CACNG4: variants seen among roughly 807,000 people sequenced by gnomAD.
CACNG4 encodes the protein voltage-dependent calcium channel gamma-4 subunit.
In CACNG4, 8 loss-of-function variants were observed where a neutral mutation model predicts 22.9. The observed-to-expected ratio is 0.35, with a 90% CI of 0.21 to 0.63. The LOEUF (loss-of-function observed/expected upper bound fraction) is 0.63. Ranked by LOEUF, CACNG4 falls within the 30% of genes least tolerant of loss-of-function variation. The probability of loss-of-function intolerance (pLI) is 0.72; values close to 1 mark genes in which losing one functional copy is unlikely to be tolerated. For missense variants in CACNG4, 357 were observed against 455.4 expected (o/e 0.78, Z 1.97); for synonymous variants, 188 against 191.9 (o/e 0.98, Z 0.17).
At chr17:66,966,849 T>C (rs377202201) in intron 1 of CACNG4, among the ~76,000 whole-genome samples, 7 of 152,212 alleles carry the variant, frequency 4.6e-5, no homozygotes, top group African/African-American at 1.4e-4. Flanking sequence ...TCATTTTTAG[T>C]GTGCAATTGC....
chr17:67,013,096 C>G (rs1048286260), intron 1 of CACNG4, among the ~76,000 whole-genome samples: 1 of 152,156 alleles, frequency 6.6e-6, no homozygotes, highest in Non-Finnish European at 1.5e-5. Flanking sequence ...TGCCTGGACT[C>G]TTCCAATGTT....
intron 1 of CACNG4, among the ~76,000 whole-genome samples, chr17:66,986,061 C>T (rs2035304122): frequency 6.6e-6 from 1 of 152,218 alleles, no homozygotes; most frequent in African/African-American, 2.4e-5. Context: ...ACCAGGGGCC[C>T]CCGGCCCTGA....
At chr17:67,006,449 A>C (rs1356549988) in intron 1 of CACNG4, among the ~76,000 whole-genome samples, 1 of 152,192 alleles carries the variant, frequency 6.6e-6, no homozygotes. Context: ...ACTCAGCCTC[A>C]GTACTGTCTC....
chr17:67,000,728 CG>C (rs71367196), intron 1 of CACNG4, among the ~76,000 whole-genome samples: 322 of 152,142 alleles, frequency 2.1e-3, no homozygotes, highest in Admixed American at 3.9e-3. Flanking sequence ...GCTTTCGGGA[CG>C]GGGGGAGGGA....
At chr17:66,989,190 T>A (rs2035323912) in intron 1 of CACNG4, among the ~76,000 whole-genome samples, 3 of 150,546 alleles carry the variant, frequency 2.0e-5, no homozygotes, top group Admixed American at 2.0e-4. Context: ...CCTAAAAAGA[T>A]ATGTCAAAGC....
At chr17:66,970,571 C>G (rs1481689698) in intron 1 of CACNG4, among the ~76,000 whole-genome samples, 1 of 152,180 alleles carries the variant, frequency 6.6e-6, no homozygotes, top group Non-Finnish European at 1.5e-5. Context: ...AGCCTTTGCA[C>G]TGCTGACATT....
Position 67,032,132 on chromosome 17 carries a change from C to A in CACNG4, c.*1128C>A, listed in dbSNP as rs1217362172. 3 of 393,038 alleles carry A rather than the reference C, an allele frequency of 7.6e-6. No homozygotes were observed. Among genetic ancestry groups the A allele is most frequent in the Non-Finnish European group, 1.5e-5 (3 of 198,270 alleles). The allele number at this position is 393,038 out of a possible 1,614,324, so 24.3% of individuals were successfully genotyped here. On this transcript the variant is annotated 3_prime_UTR_variant, in exon 4 of 4. Coordinates refer to ENST00000262138, the MANE Select transcript of CACNG4 (RefSeq NM_014405.4). Reference sequence around the variant, plus strand: ...ACTCCTGTCATTGTAAGTTATTCTGCCACCACCTAACAGGACGGAGTGGAG... The same window carrying A: ...ACTCCTGTCATTGTAAGTTATTCTGACACCACCTAACAGGACGGAGTGGAG...
intron 1 of CACNG4, among the ~76,000 whole-genome samples, chr17:66,999,933 G>C (rs1362502335): frequency 6.6e-6 from 1 of 152,302 alleles, no homozygotes; most frequent in East Asian, 1.9e-4. Context: ...GAGAGCCAAC[G>C]CCTCCTCCCC....
chr17:67,003,494 A>G (rs554407628), intron 1 of CACNG4, among the ~76,000 whole-genome samples: 3 of 152,202 alleles, frequency 2.0e-5, no homozygotes, highest in Non-Finnish European at 4.4e-5. Flanking sequence ...AATGTCTGCC[A>G]TGGGCTGAGA....
intron 1 of CACNG4, among the ~76,000 whole-genome samples, chr17:66,997,155 G>C (rs542376261): frequency 6.6e-6 from 1 of 152,162 alleles, no homozygotes; most frequent in African/African-American, 2.4e-5. Context: ...GTCCTGGCAG[G>C]TGGTTTTGAG....
intron 2 of CACNG4, among the ~76,000 whole-genome samples, chr17:67,021,055 G>A (rs2035528502): frequency 6.6e-6 from 1 of 152,126 alleles, no homozygotes; most frequent in Non-Finnish European, 1.5e-5. Context: ...AAATAAATTA[G>A]CCAGAAGTGA....
intron 1 of CACNG4, among the ~76,000 whole-genome samples, chr17:66,982,167 C>T (rs975817333): frequency 1.3e-5 from 2 of 152,192 alleles, no homozygotes; most frequent in African/African-American, 4.8e-5. Flanking sequence ...CAAGCTTCCA[C>T]GAGTGGGAGG....
intron 1 of CACNG4, among the ~76,000 whole-genome samples, chr17:66,986,836 C>T (rs1395641211): frequency 6.6e-6 from 1 of 152,184 alleles, no homozygotes; most frequent in African/African-American, 2.4e-5. Flanking sequence ...GAACACCAGT[C>T]ATACTGGATT....
intron 1 of CACNG4, among the ~76,000 whole-genome samples, chr17:67,016,301 C>CA (rs1306897394): frequency 1.3e-5 from 2 of 152,164 alleles, no homozygotes; most frequent in Non-Finnish European, 2.9e-5. Context: ...CTCCTAGCAT[C>CA]ACCTCTGAGA....
rs1428903026 is a variant in CACNG4, at chr17:67,030,689, G to A, written c.669G>A (p.Lys223=). The change falls in exon 4 of 4, where the codon AAG becomes AAA. Residue 223 remains lysine, a synonymous_variant. Transcript: ENST00000262138. The surrounding 1 kb of genome is among the most constrained non-coding windows in gnomAD (Gnocchi z 6.4). ...TTAAGACCAAACGGGAATTCCTTAA[G>A]GCGTCTTCCTCTTCTCCTTATGCCA... ...LRFKTKREFL[K]ASSSSPYARM... is the part of the protein sequence containing the mutation. 5.0e-6 allele frequency: 8 copies of A among 1,614,224 alleles called. No homozygotes were observed. The East Asian group carries it at 1.8e-4, about 36-fold the overall frequency.
At position 66,977,699 on chromosome 17, in the gene CACNG4, G is replaced by GT. The variant is rs575582653; in HGVS notation, c.220+12575dup. ...CAGAACCAGACCTCACCTCTCTCTT[G>GT]TTTTTTTCTGAGAGCTACCACACGC... On this transcript the variant is annotated intron_variant, in intron 1 of 3. Transcript: ENST00000262138. Among the ~76,000 whole-genome samples the GT allele has an allele frequency of 5.8e-4, 88 of 152,292 alleles. 1 individual carries two copies. Among genetic ancestry groups the GT allele is most frequent in the Non-Finnish European group, 1.0e-3 (68 of 68,014 alleles).
intron 1 of CACNG4, among the ~76,000 whole-genome samples, chr17:66,981,840 A>G (rs749698963): frequency 4.6e-5 from 7 of 152,228 alleles, no homozygotes; most frequent in Non-Finnish European, 1.0e-4. Flanking sequence ...ATCTCAACTT[A>G]TCTTTGTAAC....
At chr17:67,008,983 TA>T (rs2035452898) in intron 1 of CACNG4, among the ~76,000 whole-genome samples, 1 of 152,024 alleles carries the variant, frequency 6.6e-6, no homozygotes, top group African/African-American at 2.4e-5. Flanking sequence ...GAGTGGGGCC[TA>T]ATCCAGTATG....
intron 1 of CACNG4, among the ~76,000 whole-genome samples, chr17:66,981,743 T>C (rs1297021091): frequency 1.3e-5 from 2 of 152,180 alleles, no homozygotes; most frequent in African/African-American, 4.8e-5. Flanking sequence ...GAATTATGAA[T>C]AGTTTAAAAA....
Sources: allele counts gnomAD v4.1 joint callset (sites outside exome capture counted in the v4.1 genomes callset), GRCh38; gene constraint gnomAD v4.1.1; non-coding constraint Gnocchi (gnomAD v3.1); transcripts MANE v1.5; gene names NCBI Gene and HGNC (gene_info 2026-07-23, HGNC 2026-07-21).